The following TRIO variants were observed in gnomAD, a reference collection of about 807,000 sequenced individuals.
The protein encoded by TRIO is triple functional domain protein.
In TRIO, 58 loss-of-function variants were observed where a neutral mutation model predicts 351.9. That is an observed-to-expected ratio of 0.16 (90% confidence interval 0.13 to 0.21). TRIO has a LOEUF of 0.21. Ranked by LOEUF, TRIO falls within the 10% of genes least tolerant of loss-of-function variation. TRIO has a pLI of 1.00. For missense variants in TRIO, 3,201 were observed against 4,027.8 expected, an observed-to-expected ratio of 0.79 and a Z score of 5.56; for synonymous variants, 1,758 against 1,595.7, an observed-to-expected ratio of 1.10 and a Z score of -2.42.
intron 34 of TRIO, among the ~76,000 whole-genome samples, chr5:14,457,845 A>G (rs1468781716): frequency 6.6e-6 from 1 of 152,100 alleles, no homozygotes; most frequent in African/African-American, 2.4e-5. Flanking sequence ...ACCAGGTCAG[A>G]ATACTTGGTA....
At chr5:14,434,583 TCCCC>T (rs1162111589) in intron 34 of TRIO, among the ~76,000 whole-genome samples, 1 of 152,122 alleles carries the variant, frequency 6.6e-6, no homozygotes, top group East Asian at 1.9e-4. Context: ...TGTACCCAGC[TCCCC>T]CAATAGTAAC....
intron 12 of TRIO, 85 bp from the exon 13 acceptor site, chr5:14,359,272 C>G: frequency 6.6e-7 from 1 of 1,507,334 alleles, no homozygotes; most frequent in Non-Finnish European, 9.0e-7. Context: ...AGCTTTCTTC[C>G]CCTGAAGATT....
chr5:14,336,416 G>A, intron 10 of TRIO, 120 bp from the exon 11 acceptor site: 1 of 1,022,610 alleles, frequency 9.8e-7, no homozygotes, highest in Non-Finnish European at 1.5e-6. Flanking sequence ...TTTTCTGTTT[G>A]ATTCATGTAA....
At chr5:14,378,174 A>G in intron 20 of TRIO, 47 bp downstream of exon 20, 1 of 1,414,876 alleles carries the variant, frequency 7.1e-7, no homozygotes, top group Non-Finnish European at 9.8e-7. Flanking sequence ...TCCCGTGCTC[A>G]CACCTGTCTC....
At chr5:14,462,978 A>C in intron 36 of TRIO, 53 bp downstream of exon 36, 1 of 1,501,400 alleles carries the variant, frequency 6.7e-7, no homozygotes, top group Non-Finnish European at 8.9e-7. Context: ...GGGGCAGGGC[A>C]CGCTCGGTAG....
At chr5:14,335,407 T>A (rs535478778) in intron 10 of TRIO, among the ~76,000 whole-genome samples, 2 of 152,198 alleles carry the variant, frequency 1.3e-5, no homozygotes, top group African/African-American at 4.8e-5. Context: ...TGGGCCTTCT[T>A]AGAAGGCCTG....
chr5:14,330,019 A>AT (rs1177354885), intron 9 of TRIO, among the ~76,000 whole-genome samples: 10 of 152,204 alleles, frequency 6.6e-5, no homozygotes, highest in Admixed American at 1.3e-4. Flanking sequence ...GGACCTGTGT[A>AT]TTTCAAACCC....
intron 34 of TRIO, chr5:14,420,314 C>T (rs1401432031): frequency 2.8e-6 from 1 of 358,500 alleles, no homozygotes; most frequent in Non-Finnish European, 5.2e-6. Context: ...CAGTTGCTTC[C>T]TTCCTTTATC....
At position 14,358,354 on chromosome 5, in the gene TRIO, C is replaced by G; in HGVS notation, c.2216+7C>G. On this transcript the variant is annotated splice_region_variant and intron_variant, in intron 12 of 56. Coordinates refer to ENST00000344204, the MANE Select transcript of TRIO (RefSeq NM_007118.4). ...ACCTCATCCAGCAGCTCAGGTGGGC[C>G]TCACCCCTCTCCTGGTCCGAACAGA... 1 of 1,613,774 alleles carries G rather than the reference C, an allele frequency of 6.2e-7. No individual in the cohort carries two copies. The highest frequency in any genetic ancestry group is 8.5e-7 in the Non-Finnish European group (1 of 1,179,742).
chr5:14,239,858 G>A (rs1162867982), intron 1 of TRIO, among the ~76,000 whole-genome samples: 2 of 152,198 alleles, frequency 1.3e-5, no homozygotes, highest in Non-Finnish European at 2.9e-5. Context: ...CACTAGGAAA[G>A]GCTTCATGAA....
At chr5:14,356,222 G>C (rs376162020) in intron 11 of TRIO, among the ~76,000 whole-genome samples, 2 of 152,180 alleles carry the variant, frequency 1.3e-5, no homozygotes, top group Non-Finnish European at 2.9e-5. Flanking sequence ...ATATTGCTCA[G>C]TGAACAAATT....
chr5:14,377,905 T>G, intron 19 of TRIO, 107 bp from the exon 20 acceptor site: 1 of 797,548 alleles, frequency 1.3e-6, no homozygotes, highest in Non-Finnish European at 2.1e-6. Context: ...TATCGTGCTG[T>G]CTTGCAATGG....
rs1746655227 is a variant in TRIO at position 14,387,603 on chromosome 5, C to G, written c.3736C>G (p.Leu1246Val). 1 of 1,612,828 alleles carries G rather than the reference C, an allele frequency of 6.2e-7. No homozygotes were observed. Among genetic ancestry groups the G allele is most frequent in the Non-Finnish European group, 8.5e-7 (1 of 1,179,190 alleles). The change falls in exon 22 of 57, where the codon CTG becomes GTG. Residue 1246 changes from leucine (L) to valine (V), a missense_variant. By Grantham distance (32) the Leu-to-Val change is conservative (BLOSUM62 1). Around this residue, in one of 19 missense-constraint regions of TRIO, gnomAD observed 201 missense variants for 266.5 expected, o/e 0.75. Coordinates refer to ENST00000344204, the MANE Select transcript of TRIO (RefSeq NM_007118.4). ...GTACAGGACCTCTTTGGAAAAAGCC[C>G]TGGGGATTTCTTCAGATTCCAACAA... ...EKYRTSLEKA[L>V]GISSDSNKSS...
chr5:14,401,190 A>C (rs1339930852), intron 31 of TRIO, 126 bp downstream of exon 31: 1 of 727,804 alleles, frequency 1.4e-6, no homozygotes, highest in Non-Finnish European at 2.1e-6. Flanking sequence ...TGTTCTATTC[A>C]GATTGGTGAC....
chr5:14,272,191 T>A (rs942710727), intron 2 of TRIO, among the ~76,000 whole-genome samples: 1 of 152,140 alleles, frequency 6.6e-6, no homozygotes, highest in African/African-American at 2.4e-5. Context: ...ACAAACAGAG[T>A]AATTGAAAGA....
intron 1 of TRIO, among the ~76,000 whole-genome samples, chr5:14,261,847 T>A (rs1037946268): frequency 1.3e-5 from 2 of 152,236 alleles, no homozygotes; most frequent in African/African-American, 2.4e-5. Context: ...AAAACCCTTT[T>A]CTCCTTTAAA....
chr5:14,328,266 G>A (rs1452770065), intron 9 of TRIO, among the ~76,000 whole-genome samples: 1 of 152,066 alleles, frequency 6.6e-6, no homozygotes, highest in African/African-American at 2.4e-5. Context: ...TTAAAACAAT[G>A]CACTACTTAA....
intron 33 of TRIO, among the ~76,000 whole-genome samples, chr5:14,414,815 G>A (rs1336261692): frequency 6.6e-6 from 1 of 152,160 alleles, no homozygotes; most frequent in Non-Finnish European, 1.5e-5. Flanking sequence ...GTGTTGGCGT[G>A]AGCACGGAGG....
intron 56 of TRIO, 60 bp from the exon 57 acceptor site, chr5:14,507,820 C>A: frequency 6.4e-7 from 1 of 1,557,960 alleles, no homozygotes; most frequent in South Asian, 1.2e-5. Context: ...TCCCGCCCAT[C>A]ATCACGAGTA....
Sources: allele counts gnomAD v4.1 joint callset (sites outside exome capture counted in the v4.1 genomes callset), GRCh38; gene constraint gnomAD v4.1.1; regional missense constraint gnomAD v4.1.1; transcripts MANE v1.5; gene names NCBI Gene and HGNC (gene_info 2026-07-23, HGNC 2026-07-21).